TFDP2: variants seen among roughly 807,000 people sequenced by gnomAD.
The protein encoded by TFDP2 is transcription factor Dp-2 (E2F dimerization partner 2).
Under a neutral mutation model 59.3 loss-of-function variants are expected in TFDP2, and 17 were observed. The ratio of observed to expected loss-of-function variants is 0.29; its 90% CI spans 0.20 to 0.43. The LOEUF (loss-of-function observed/expected upper bound fraction) is 0.43, where lower values mean the gene tolerates loss of function less well. Ranked by LOEUF, TFDP2 falls within the 20% of genes least tolerant of loss-of-function variation. The pLI, the probability that TFDP2 is intolerant of heterozygous loss-of-function variation, is 1.00. For synonymous variants in TFDP2, 180 were observed against 194.7 expected (o/e 0.92, Z 0.63); for missense variants, 391 against 528.8 (o/e 0.74, Z 2.56).
Position 142,085,166 on chromosome 3 carries a change from C to T in TFDP2, c.82+7895G>A, listed in dbSNP as rs115985740. On this transcript the variant is annotated intron_variant, in intron 3 of 12. Transcript: ENST00000489671. ...AGACTCCTGACCTCAAGTGATCCGCCTGCCTCCCAAAGTGCTGGGGTTACA... is the reference window on the plus strand; with the variant it reads ...AGACTCCTGACCTCAAGTGATCCGCTTGCCTCCCAAAGTGCTGGGGTTACA... Among the ~76,000 whole-genome samples, 514 of 152,326 alleles carry T rather than the reference C, an allele frequency of 3.4e-3. 2 individuals are homozygous for T. The highest frequency in any genetic ancestry group is 5.7e-3 in the Non-Finnish European group (388 of 68,028).
At chr3:141,968,263 T>C (rs1162737894) in intron 9 of TFDP2, among the ~76,000 whole-genome samples, 2 of 137,246 alleles carry the variant, frequency 1.5e-5, no homozygotes, top group Admixed American at 8.0e-5. Flanking sequence ...ATATATTATA[T>C]ATAATTATAT....
At chr3:142,041,907 G>GA (rs1253454779) in intron 3 of TFDP2, among the ~76,000 whole-genome samples, 1 of 152,010 alleles carries the variant, frequency 6.6e-6, no homozygotes. Context: ...ATCATTTGTT[G>GA]AAAAAACCCA....
chr3:142,018,115 A>G (rs114435676), intron 3 of TFDP2, among the ~76,000 whole-genome samples: 10,558 of 151,648 alleles, frequency 0.07, 469 homozygotes, highest in Non-Finnish European at 0.11. Context: ...GCTAATTTTT[A>G]TACTTTCAGT....
At chr3:142,062,062 C>A (rs1224408627) in intron 3 of TFDP2, among the ~76,000 whole-genome samples, 1 of 151,768 alleles carries the variant, frequency 6.6e-6, no homozygotes, top group Non-Finnish European at 1.5e-5. Context: ...TCCTTCTCAG[C>A]CTACTCTTCA....
intron 3 of TFDP2, among the ~76,000 whole-genome samples, chr3:142,092,148 A>T (rs1036376994): frequency 1.3e-5 from 2 of 152,160 alleles, no homozygotes; most frequent in African/African-American, 4.8e-5. Context: ...TTTATCTATA[A>T]TACCACCCAC....
intron 3 of TFDP2, among the ~76,000 whole-genome samples, chr3:142,075,771 G>T (rs926590305): frequency 1.3e-5 from 2 of 150,876 alleles, no homozygotes; most frequent in Admixed American, 1.3e-4. Context: ...AGCCAGTGTG[G>T]TGGTGCATAT....
At chr3:141,960,106 G>T (rs1314401874) in intron 10 of TFDP2, among the ~76,000 whole-genome samples, 1 of 152,136 alleles carries the variant, frequency 6.6e-6, no homozygotes, top group East Asian at 1.9e-4. Flanking sequence ...ACAGAGGATA[G>T]AAATTTTATT....
rs151038110 is a variant in TFDP2 at position 142,104,942 on chromosome 3, T to C, written c.-92-3101A>G. ...CAGCAGTGCAGTAGAGTGGAAAGAG[T>C]ATGGACTTTGGCTCCGTCTCAGCTC... On this transcript the variant is annotated intron_variant, in intron 1 of 12. Coordinates refer to ENST00000489671, the MANE Select transcript of TFDP2 (RefSeq NM_001178139.2). Among the ~76,000 whole-genome samples the C allele has an allele frequency of 1.3e-3, 200 of 152,180 alleles. 2 individuals carry two copies. The highest frequency in any genetic ancestry group is 4.6e-3 in the African/African-American group (191 of 41,526).
intron 1 of TFDP2, among the ~76,000 whole-genome samples, chr3:142,107,445 G>A (rs1447002890): frequency 2.6e-5 from 4 of 151,820 alleles, no homozygotes; most frequent in Non-Finnish European, 5.9e-5. Context: ...TGTTGGCCAC[G>A]CTGGTCTTGA....
chr3:142,129,166 C>T (rs1444965057), intron 1 of TFDP2, among the ~76,000 whole-genome samples: 8 of 151,650 alleles, frequency 5.3e-5, no homozygotes, highest in African/African-American at 1.9e-4. Context: ...CCATTTTTTA[C>T]ACATTCTCAG....
chr3:142,006,213 A>G (rs755684930), intron 3 of TFDP2, among the ~76,000 whole-genome samples: 2 of 152,150 alleles, frequency 1.3e-5, no homozygotes, highest in Non-Finnish European at 2.9e-5. Flanking sequence ...CCAACCTATT[A>G]TTTTCTGAAC....
chr3:141,999,515 T>C (rs919273887), intron 4 of TFDP2, among the ~76,000 whole-genome samples: 1 of 152,118 alleles, frequency 6.6e-6, no homozygotes, highest in Admixed American at 6.6e-5. Flanking sequence ...TTAAGATCTA[T>C]AACATATAAC....
intron 3 of TFDP2, chr3:142,028,910 C>T (rs1348901485): frequency 5.9e-6 from 1 of 168,838 alleles, no homozygotes; most frequent in African/African-American, 2.4e-5. Flanking sequence ...TTAAAGTACA[C>T]ACTTGATCTT....
rs1935032972 is a variant in TFDP2 at position 141,944,453 on chromosome 3, T to C, written c.*8060A>G. The stretch of plus-strand genomic sequence containing the variant: ...TTATTTTAAAGTGTTTATTTTTTTC[T>C]ATAATACATTTCATTCAAATCATAA... On this transcript the variant is annotated 3_prime_UTR_variant, in exon 13 of 13. Transcript: ENST00000489671. The C allele has an allele frequency of 1.3e-5, 2 of 152,244 alleles. No individual in the cohort carries two copies. Among genetic ancestry groups the C allele is most frequent in the African/African-American group, 4.8e-5 (2 of 41,460 alleles). 9.4% of individuals were successfully genotyped at this position (152,244 alleles called of 1,614,324 possible).
At chr3:142,062,640 A>C (rs1201986558) in intron 3 of TFDP2, among the ~76,000 whole-genome samples, 1 of 152,068 alleles carries the variant, frequency 6.6e-6, no homozygotes, top group East Asian at 1.9e-4. Context: ...TTCCAATCCT[A>C]GGTGTATGCC....
chr3:142,073,466 C>CG (rs1439780809), intron 3 of TFDP2, among the ~76,000 whole-genome samples: 4 of 74,832 alleles, frequency 5.3e-5, no homozygotes, highest in African/African-American at 1.9e-4. Flanking sequence ...AACCCCCCCC[C>CG]CCCCGCAAAA....
intron 3 of TFDP2, among the ~76,000 whole-genome samples, chr3:142,069,245 A>G (rs995312746): frequency 1.3e-5 from 2 of 152,144 alleles, no homozygotes; most frequent in African/African-American, 4.8e-5. Context: ...CTTCTAGATC[A>G]TTCTATATTT....
intron 1 of TFDP2, among the ~76,000 whole-genome samples, chr3:142,108,360 C>A (rs1187939279): frequency 6.6e-6 from 1 of 152,046 alleles, no homozygotes; most frequent in Non-Finnish European, 1.5e-5. Context: ...CAGGAGCCTG[C>A]CACCACGCAT....
At position 141,946,900 on chromosome 3, in the gene TFDP2, T is replaced by G. The variant is rs1935310762; in HGVS notation, c.*5613A>C. 1 of 152,184 alleles carries G rather than the reference T, an allele frequency of 6.6e-6. No homozygotes were observed. Among genetic ancestry groups the G allele is most frequent in the Non-Finnish European group, 1.5e-5 (1 of 68,114 alleles). The allele number at this position is 152,184 out of a possible 1,614,324, so 9.4% of individuals were successfully genotyped here. A position where few individuals can be genotyped will look rare whatever the true frequency, so the allele number is the denominator to read the frequency against. ...AAAATTAGCCAGGCGTGGTGGCACA[T>G]GTCTGTAATCCCAACTACTTGGGAG... On this transcript the variant is annotated 3_prime_UTR_variant, in exon 13 of 13. Coordinates refer to ENST00000489671, the MANE Select transcript of TFDP2 (RefSeq NM_001178139.2).
Sources: gnomAD v4.1 joint callset for allele counts (sites outside exome capture counted in the v4.1 genomes callset) on GRCh38, gnomAD v4.1.1 for gene constraint, MANE v1.5 for transcripts, NCBI Gene and HGNC (gene_info 2026-07-23, HGNC 2026-07-21) for gene names.